Variants in VPS54 observed in about 807,000 individuals in gnomAD.
VPS54 encodes vacuolar protein sorting-associated protein 54.
Under a neutral mutation model 121.5 loss-of-function variants are expected in VPS54, and 45 were observed. That is an observed-to-expected ratio of 0.37 (90% CI 0.29 to 0.47). The LOEUF (loss-of-function observed/expected upper bound fraction) is 0.47. Ranked by LOEUF, VPS54 falls within the 20% of genes least tolerant of loss-of-function variation. The pLI is 0.99. For missense variants in VPS54, 1,090 were observed against 1,131.4 expected (o/e 0.96, Z 0.52); for synonymous variants, 371 against 385.8 (o/e 0.96, Z 0.45).
chr2:63,955,214 A>G (rs1262290078), intron 7 of VPS54, among the ~76,000 whole-genome samples: 1 of 152,046 alleles, frequency 6.6e-6, no homozygotes, highest in Admixed American at 6.5e-5. Context: ...CTAGCTTCCT[A>G]TAATTCTTTT....
At chr2:63,945,912 T>A (rs187687978) in intron 9 of VPS54, among the ~76,000 whole-genome samples, 37 of 152,278 alleles carry the variant, frequency 2.4e-4, no homozygotes, top group Admixed American at 6.5e-4. Flanking sequence ...GCTTAAAATA[T>A]ATATACAGAA....
intron 12 of VPS54, among the ~76,000 whole-genome samples, chr2:63,930,348 G>C (rs1465355374): frequency 2.6e-5 from 4 of 151,848 alleles, no homozygotes; most frequent in Admixed American, 1.3e-4. Flanking sequence ...GGGATGCAAG[G>C]CTGGTTTGAC....
intron 7 of VPS54, 147 bp from the exon 8 acceptor site, chr2:63,949,310 T>C: frequency 1.3e-6 from 1 of 755,054 alleles, no homozygotes; most frequent in Non-Finnish European, 2.0e-6. Context: ...GTCCTTTAAC[T>C]TACCAAAATA....
chr2:63,899,337 A>T, intron 21 of VPS54, 137 bp downstream of exon 21: 1 of 689,452 alleles, frequency 1.5e-6, no homozygotes, highest in Non-Finnish European at 2.3e-6. Context: ...TCTACCAGTC[A>T]ATATAACAAT....
intron 1 of VPS54, among the ~76,000 whole-genome samples, chr2:64,003,348 A>T (rs1317245044): frequency 6.6e-6 from 1 of 152,192 alleles, no homozygotes; most frequent in African/African-American, 2.4e-5. Flanking sequence ...TTCACATGGT[A>T]ATCTCCTTAT....
intron 3 of VPS54, among the ~76,000 whole-genome samples, chr2:63,979,241 G>GTTTTTT (rs768489534): frequency 1.6e-5 from 2 of 123,628 alleles, no homozygotes; most frequent in African/African-American, 6.8e-5. Flanking sequence ...TTTTCTGTTT[G>GTTTTTT]TTTTTTTTTT....
chr2:63,929,418 G>T (rs994120204), intron 12 of VPS54, among the ~76,000 whole-genome samples: 1 of 152,074 alleles, frequency 6.6e-6, no homozygotes, highest in Non-Finnish European at 1.5e-5. Context: ...AATGACTACT[G>T]GGTAAATAAC....
At chr2:63,950,663 G>A (rs1360837305) in intron 7 of VPS54, among the ~76,000 whole-genome samples, 2 of 152,192 alleles carry the variant, frequency 1.3e-5, no homozygotes, top group South Asian at 2.1e-4. Flanking sequence ...TATAGATAAG[G>A]GCAGTCCTGA....
Position 63,914,243 on chromosome 2 carries a change from C to T in VPS54, c.2273G>A (p.Cys758Tyr), listed in dbSNP as rs1673279008. The change falls in exon 17 of 23, where the codon TGT (cysteine) becomes TAT (tyrosine). Residue 758 changes from cysteine to tyrosine, a missense_variant. Cys to Tyr is a radical substitution (Grantham distance 194). This residue lies in a region of VPS54 where 289 missense variants were observed against 374.4 expected (regional missense o/e 0.77). Transcript: ENST00000272322. ...LIRIILEYCQ[C>Y]VDNIPSVTTD... ...AGTAACAGATGGGATGTTATCCACA[C>T]ACTGGCAATATTCAAGGATAATTCT... is the stretch of plus-strand genomic sequence containing the variant. 1 of 1,613,498 alleles carries T rather than the reference C, an allele frequency of 6.2e-7. No individual in the cohort carries two copies. The highest frequency in any genetic ancestry group is 1.1e-5 in the South Asian group (1 of 91,034).
chr2:63,929,932 C>T (rs1318888970), intron 12 of VPS54, among the ~76,000 whole-genome samples: 1 of 152,026 alleles, frequency 6.6e-6, no homozygotes, highest in Non-Finnish European at 1.5e-5. Flanking sequence ...ATAAATTCCT[C>T]GACATATGCA....
At chr2:63,912,136 A>G (rs113337801) in intron 20 of VPS54, among the ~76,000 whole-genome samples, 250 of 152,322 alleles carry the variant, frequency 1.6e-3, no homozygotes, top group Non-Finnish European at 2.7e-3. Flanking sequence ...ATAATTTGTT[A>G]GATAACTGCA....
chr2:63,893,230 C>A lies in VPS54; in HGVS notation c.*200G>T. 1.5e-6 allele frequency: 1 copy of A among 661,498 alleles called. No individual in the cohort carries two copies. The allele number at this position is 661,498 out of a possible 1,614,324, so 41.0% of individuals were successfully genotyped here. On this transcript the variant is annotated 3_prime_UTR_variant, in exon 23 of 23. Transcript: ENST00000272322. ...TAGACACCTGATCAGTTACTCCTCA[C>A]TGTAGGATGCACAAAAATGACATTC... is the stretch of plus-strand genomic sequence containing the variant.
intron 4 of VPS54, among the ~76,000 whole-genome samples, chr2:63,971,521 C>T (rs1676284382): frequency 6.6e-6 from 1 of 152,152 alleles, no homozygotes; most frequent in Non-Finnish European, 1.5e-5. Flanking sequence ...ATATTCTGTT[C>T]TCTCTTTATT....
At chr2:63,915,713 T>C (rs1426202565) in intron 16 of VPS54, among the ~76,000 whole-genome samples, 1 of 152,174 alleles carries the variant, frequency 6.6e-6, no homozygotes, top group Non-Finnish European at 1.5e-5. Context: ...GAAGAAAGCT[T>C]TCCCTACCAG....
intron 1 of VPS54, among the ~76,000 whole-genome samples, chr2:63,998,322 T>C (rs921378279): frequency 1.3e-5 from 2 of 152,188 alleles, no homozygotes; most frequent in South Asian, 4.1e-4. Context: ...GTGTTTCTTG[T>C]GGGCAACAGA....
chr2:63,934,928 G>A (rs540872505), intron 11 of VPS54, among the ~76,000 whole-genome samples: 6 of 152,140 alleles, frequency 3.9e-5, no homozygotes, highest in Admixed American at 6.6e-5. Flanking sequence ...CACAGTTGCA[G>A]TCTTACAACT....
At chr2:63,961,924 TAAAC>T (rs1342874853) in intron 7 of VPS54, 130 bp downstream of exon 7, 1 of 975,626 alleles carries the variant, frequency 1.0e-6, no homozygotes, top group Non-Finnish European at 1.4e-6. Context: ...ATAACATTAT[TAAAC>T]AAATGATCAA....
rs1338256144 is a variant in VPS54, at chr2:63,921,303, T to A, written c.1772A>T (p.Glu591Val). 1.2e-6 allele frequency: 2 copies of A among 1,613,106 alleles called. No individual in the cohort carries two copies. Among genetic ancestry groups the A allele is most frequent in the Non-Finnish European group, 1.7e-6 (2 of 1,179,450 alleles). ...VSEDMKLTDS[E>V]LGKLANNIQE... is the part of the protein sequence containing the mutation. The stretch of plus-strand genomic sequence containing the variant: ...GATATTATTTGCCAGCTTTCCTAGC[T>A]CTGAGTCAGTTAATTTCATATCTTC... The change falls in exon 13 of 23, where the codon GAG (glutamate) becomes GTG (valine). Residue 591 changes from glutamate (E) to valine (V), a missense_variant. This residue lies in a region of VPS54 where 801 missense variants were observed against 757.0 expected (regional missense o/e 1.06). Transcript: ENST00000272322.
At chr2:63,953,584 G>C (rs1675358473) in intron 7 of VPS54, among the ~76,000 whole-genome samples, 1 of 152,116 alleles carries the variant, frequency 6.6e-6, no homozygotes, top group African/African-American at 2.4e-5. Context: ...CTCCCATTGA[G>C]AATGCATGCT....
Sources: allele counts gnomAD v4.1 joint callset (sites outside exome capture counted in the v4.1 genomes callset), GRCh38; gene constraint gnomAD v4.1.1; regional missense constraint gnomAD v4.1.1; transcripts MANE v1.5; gene names NCBI Gene and HGNC (gene_info 2026-07-23, HGNC 2026-07-21).